The following SPMIP2 variants were observed in gnomAD, a reference collection of about 807,000 sequenced individuals.
SPMIP2 encodes sperm microtubule inner protein 2, also known as protein SPMIP2.
chr4:158,989,423 G>A, the SPMIP2 span, among the ~76,000 whole-genome samples: 6 of 152,076 alleles, frequency 3.9e-5, no homozygotes, highest in African/African-American at 1.4e-4. Flanking sequence ...ACATAGCCAA[G>A]AAAATCTTGA....
the SPMIP2 span, among the ~76,000 whole-genome samples, chr4:158,911,384 A>AAATAAATAAATAAAT: frequency 3.2e-4 from 25 of 79,274 alleles, no homozygotes; most frequent in African/African-American, 1.5e-3. Flanking sequence ...ATAAATAAAT[A>AAATAAATAAATAAAT]AAATAAATAA....
At chr4:158,983,195 T>G in the SPMIP2 span, among the ~76,000 whole-genome samples, 1 of 152,070 alleles carries the variant, frequency 6.6e-6, no homozygotes, top group Non-Finnish European at 1.5e-5. Context: ...TTGGTGTACC[T>G]GAAAATGACA....
At chr4:159,069,385 T>A in the SPMIP2 span, among the ~76,000 whole-genome samples, 2 of 152,268 alleles carry the variant, frequency 1.3e-5, no homozygotes, top group East Asian at 3.9e-4. Flanking sequence ...AATTAAATAA[T>A]GCTAGAAGTC....
chr4:158,975,828 C>T, the SPMIP2 span, among the ~76,000 whole-genome samples: 3 of 152,000 alleles, frequency 2.0e-5, no homozygotes, highest in East Asian at 3.9e-4. Context: ...TTTTCTAGTT[C>T]TGTTAAGAAA....
chr4:159,058,835 T>C, the SPMIP2 span, among the ~76,000 whole-genome samples: 3 of 152,194 alleles, frequency 2.0e-5, no homozygotes, highest in Admixed American at 2.0e-4. Flanking sequence ...AGAATAACTG[T>C]AATAATAATA....
At chr4:159,074,035 T>A in the SPMIP2 span, among the ~76,000 whole-genome samples, 5 of 152,014 alleles carry the variant, frequency 3.3e-5, no homozygotes, top group Non-Finnish European at 7.4e-5. Flanking sequence ...TTAATTCCAG[T>A]GGAGGCTTTC....
chr4:158,903,807 T>A, the SPMIP2 span, among the ~76,000 whole-genome samples: 1 of 148,472 alleles, frequency 6.7e-6, no homozygotes, highest in Non-Finnish European at 1.5e-5. Flanking sequence ...AACAGTTCAA[T>A]TTTTTTTTTT....
chr4:158,988,054 G>A, the SPMIP2 span, among the ~76,000 whole-genome samples: 1 of 152,076 alleles, frequency 6.6e-6, no homozygotes, highest in South Asian at 2.1e-4. Flanking sequence ...AAATGATAAA[G>A]GGGAGATCAC....
chr4:159,050,049 A>G, the SPMIP2 span, among the ~76,000 whole-genome samples: 9 of 152,230 alleles, frequency 5.9e-5, no homozygotes, highest in African/African-American at 2.2e-4. Flanking sequence ...GGTGCCCGTT[A>G]GTGTCAACAC....
chr4:158,893,712 C>T, the SPMIP2 span: 2 of 1,585,652 alleles, frequency 1.3e-6, no homozygotes, highest in Non-Finnish European at 8.6e-7. Flanking sequence ...GTTAATGTTT[C>T]CTTTTCTGTA....
the SPMIP2 span, among the ~76,000 whole-genome samples, chr4:158,966,803 T>C: frequency 6.6e-6 from 1 of 152,350 alleles, no homozygotes; most frequent in Admixed American, 6.5e-5. Context: ...TTTTTTTCTT[T>C]CCTTTTTTCC....
chr4:158,925,999 T>A, the SPMIP2 span, among the ~76,000 whole-genome samples: 42 of 152,306 alleles, frequency 2.8e-4, 1 homozygote, highest in East Asian at 7.5e-3. Flanking sequence ...CCCACCTTCA[T>A]GATCTAGTCA....
At chr4:158,988,358 T>C in the SPMIP2 span, among the ~76,000 whole-genome samples, 1 of 151,958 alleles carries the variant, frequency 6.6e-6, no homozygotes, top group Non-Finnish European at 1.5e-5. Context: ...TTCCAAATAA[T>C]AGAAAAAGAG....
At chr4:158,980,199 C>T in the SPMIP2 span, among the ~76,000 whole-genome samples, 1 of 151,538 alleles carries the variant, frequency 6.6e-6, no homozygotes. Flanking sequence ...AAGGCAGCAG[C>T]CCCAGTCAGG....
chr4:159,080,586 G>T, the SPMIP2 span, among the ~76,000 whole-genome samples: 1 of 152,114 alleles, frequency 6.6e-6, no homozygotes, highest in Non-Finnish European at 1.5e-5. Flanking sequence ...TTAAAGCAGC[G>T]ATTCCCCATT....
At chr4:159,052,834 C>G in the SPMIP2 span, among the ~76,000 whole-genome samples, 1 of 150,708 alleles carries the variant, frequency 6.6e-6, no homozygotes, top group African/African-American at 2.4e-5. Flanking sequence ...GGGGGTTTCT[C>G]CATGTTGGCC....
At chr4:159,082,449 C>CTCTCTGTG in the SPMIP2 span, among the ~76,000 whole-genome samples, 5 of 111,660 alleles carry the variant, frequency 4.5e-5, no homozygotes, top group South Asian at 3.0e-4. Context: ...CCACTTTTCT[C>CTCTCTGTG]TGTGTGTGTG....
At chr4:159,023,707 GT>G in the SPMIP2 span, among the ~76,000 whole-genome samples, 1 of 152,192 alleles carries the variant, frequency 6.6e-6, no homozygotes, top group Non-Finnish European at 1.5e-5. Flanking sequence ...ATGGCACACT[GT>G]ATCTCTTTTT....
chr4:158,902,215 CT>C, the SPMIP2 span, among the ~76,000 whole-genome samples: 1 of 152,056 alleles, frequency 6.6e-6, no homozygotes, highest in East Asian at 1.9e-4. Flanking sequence ...CTGTTTTCTG[CT>C]TGTTAATTTT....
Sources: allele counts gnomAD v4.1 joint callset (sites outside exome capture counted in the v4.1 genomes callset), GRCh38; gene constraint gnomAD v4.1.1; transcripts MANE v1.5; gene names NCBI Gene and HGNC (gene_info 2026-07-23, HGNC 2026-07-21).